UNKL: variants seen among roughly 807,000 people sequenced by gnomAD.
UNKL encodes the protein putative E3 ubiquitin-protein ligase UNKL.
UNKL carries 60 observed loss-of-function variants against 78.0 expected under a neutral mutation model. The ratio of observed to expected loss-of-function variants is 0.77; its 90% CI spans 0.63 to 0.95. The LOEUF (loss-of-function observed/expected upper bound fraction) is 0.95, where lower values mean the gene tolerates loss of function less well. Ranked by LOEUF, UNKL falls within the 40% of genes least tolerant of loss-of-function variation. UNKL has a pLI of 0.00. For synonymous variants in UNKL, 608 were observed against 474.8 expected (o/e 1.28, Z -3.65); for missense variants, 1,159 against 1,045.7 (o/e 1.11, Z -1.49).
chr16:1,404,467 C>A (rs1324435074), intron 2 of UNKL, among the ~76,000 whole-genome samples: 2 of 152,202 alleles, frequency 1.3e-5, no homozygotes, highest in Non-Finnish European at 2.9e-5. Context: ...CTCCGCTGGG[C>A]ACCTGTGATG....
intron 10 of UNKL, chr16:1,383,483 G>A (rs2036687459): frequency 3.9e-6 from 1 of 254,096 alleles, no homozygotes; most frequent in African/African-American, 2.2e-5. Context: ...ACCGTCCTGG[G>A]GCCTCAGGAG....
At chr16:1,366,440 G>A (rs889153824) in intron 14 of UNKL, 45 bp from the exon 15 acceptor site, 5 of 1,505,536 alleles carry the variant, frequency 3.3e-6, no homozygotes, top group Admixed American at 2.1e-5. Flanking sequence ...CCCTGCCCAG[G>A]CTGGGCCAGC....
chr16:1,398,477 G>C (rs1407059547), intron 5 of UNKL: 92 of 1,205,708 alleles, frequency 7.6e-5, no homozygotes, highest in Non-Finnish European at 9.2e-5. Context: ...GCTGCTCAGA[G>C]GGAGACTGAA....
intron 10 of UNKL, among the ~76,000 whole-genome samples, chr16:1,379,353 C>T (rs1226889461): frequency 6.6e-6 from 1 of 152,032 alleles, no homozygotes; most frequent in African/African-American, 2.4e-5. Context: ...TGCCCTCCCT[C>T]GGGGCACCGA....
intron 12 of UNKL, chr16:1,368,179 T>C (rs1350584794): frequency 9.6e-6 from 4 of 416,664 alleles, no homozygotes; most frequent in Non-Finnish European, 1.7e-5. Context: ...GGGCAGTGGT[T>C]CTCAGACTCC....
chr16:1,399,222 G>T lies in UNKL; in HGVS notation c.734+152C>A. On this transcript the variant is annotated intron_variant, in intron 5 of 14. Coordinates refer to ENST00000389221, the MANE Select transcript of UNKL (RefSeq NM_001372107.1). The surrounding 1 kb of genome is among the most constrained non-coding windows in gnomAD (Gnocchi z 5.8). ...GTGGGCCTCCATGGCACCTCCCACA[G>T]CCACTGTGCTTGGAGATGCCCTCCC... 1 of 1,318,200 alleles carries T rather than the reference G, an allele frequency of 7.6e-7. No homozygotes were observed. Among genetic ancestry groups the T allele is most frequent in the Non-Finnish European group, 1.0e-6 (1 of 996,038 alleles). 81.7% of individuals were successfully genotyped at this position (1,318,200 alleles called of 1,614,324 possible).
intron 6 of UNKL, among the ~76,000 whole-genome samples, chr16:1,396,732 T>C (rs1208705300): frequency 1.3e-5 from 2 of 152,164 alleles, no homozygotes; most frequent in East Asian, 1.9e-4. Context: ...TAGCTGGGAC[T>C]ACAGACGCCC....
intron 2 of UNKL, among the ~76,000 whole-genome samples, chr16:1,406,618 G>C (rs563385960): frequency 6.6e-6 from 1 of 152,084 alleles, no homozygotes; most frequent in Admixed American, 6.6e-5. Context: ...TGGACTGCAG[G>C]TATGAGCCAC....
rs570694066 is a variant in UNKL, at chr16:1,366,328, C to A, written c.2114G>T (p.Arg705Leu). 102 of 1,603,962 alleles carry A rather than the reference C, an allele frequency of 6.4e-5. No homozygotes were observed. In the East Asian group the frequency reaches 2.0e-3, roughly 32 times the overall value. Reference sequence around the variant, plus strand: ...ACAGAGGATGTGGTGCTGACAGGGCCGCAGGACAGCACCGTGGGCCCGCTC... The same window carrying A: ...ACAGAGGATGTGGTGCTGACAGGGCAGCAGGACAGCACCGTGGGCCCGCTC... ...CRERAHGAVL[R>L]PCQHHILCEP... The change falls in exon 15 of 15, where the codon CGG becomes CTG. Residue 705 changes from arginine to leucine, a missense_variant. Coordinates refer to ENST00000389221, the MANE Select transcript of UNKL (RefSeq NM_001372107.1).
intron 10 of UNKL, chr16:1,383,765 T>C (rs12918814): frequency 0.95 from 405,850 of 429,088 alleles, 192,132 homozygotes; most frequent in East Asian, 1. Context: ...CGGGTCCTGA[T>C]GGTGCTGGGG....
At chr16:1,408,258 C>CT (rs1397241887) in intron 2 of UNKL, among the ~76,000 whole-genome samples, 1 of 40,516 alleles carries the variant, frequency 2.5e-5, no homozygotes, top group Non-Finnish European at 5.5e-5. Flanking sequence ...CACATGGGAG[C>CT]TGCCCCCCCC....
At chr16:1,394,749 C>T (rs557931770) in intron 6 of UNKL, among the ~76,000 whole-genome samples, 4 of 152,176 alleles carry the variant, frequency 2.6e-5, no homozygotes, top group Admixed American at 6.5e-5. Context: ...GCACCTGGCA[C>T]GCCAGGCCTC....
intron 10 of UNKL, chr16:1,379,079 A>G (rs2036453814): frequency 6.6e-6 from 1 of 152,254 alleles, no homozygotes; most frequent in Admixed American, 6.5e-5. Flanking sequence ...GGCCCCGCTG[A>G]GTCACCGCGA....
chr16:1,383,580 C>A (rs1264101280), intron 10 of UNKL: 3 of 359,140 alleles, frequency 8.4e-6, no homozygotes, highest in Non-Finnish European at 1.7e-5. Flanking sequence ...TAAGTGGCCG[C>A]TGGGAAGAGT....
At chr16:1,386,745 C>A (rs74504983) in intron 9 of UNKL, among the ~76,000 whole-genome samples, 1 of 152,118 alleles carries the variant, frequency 6.6e-6, no homozygotes, top group African/African-American at 2.4e-5. Flanking sequence ...GACAAGAACG[C>A]GCCTGGCTCC....
rs747331561 is a variant in UNKL at position 1,366,231 on chromosome 16, C to T, written c.*9G>A. On this transcript the variant is annotated 3_prime_UTR_variant, in exon 15 of 15. Coordinates refer to ENST00000389221, the MANE Select transcript of UNKL (RefSeq NM_001372107.1). ...GGTGCCCAGCAGGAGGTGGCTGTCC[C>T]CGCTGAGGTCACCACTGCAGGGGCT... The T allele has an allele frequency of 3.3e-6, 5 of 1,531,562 alleles. No individual in the cohort carries two copies. The highest frequency in any genetic ancestry group is 4.4e-6 in the Non-Finnish European group (5 of 1,134,400). 94.9% of individuals were successfully genotyped at this position (1,531,562 alleles called of 1,614,324 possible).
chr16:1,364,448 C>T lies in UNKL; in HGVS notation c.*1792G>A, dbSNP rs1391876611. ...GGGAGAAACACGTCGGTGCCGCTTCCCACTCGTGTGCCCTCACCACCCACG... is the reference window on the plus strand; with the variant it reads ...GGGAGAAACACGTCGGTGCCGCTTCTCACTCGTGTGCCCTCACCACCCACG... On this transcript the variant is annotated 3_prime_UTR_variant, in exon 15 of 15. Coordinates refer to ENST00000389221, the MANE Select transcript of UNKL (RefSeq NM_001372107.1). 6.6e-6 allele frequency: 1 copy of T among 152,260 alleles called. No homozygotes were observed. The highest frequency in any genetic ancestry group is 1.5e-5 in the Non-Finnish European group (1 of 68,052). 9.4% of individuals were successfully genotyped at this position (152,260 alleles called of 1,614,324 possible). A position where few individuals can be genotyped will look rare whatever the true frequency, so the allele number is the denominator to read the frequency against.
At chr16:1,394,071 G>A in intron 7 of UNKL, 60 bp downstream of exon 7, 1 of 1,508,422 alleles carries the variant, frequency 6.6e-7, no homozygotes, top group Admixed American at 2.0e-5. Context: ...TAACTCCAGT[G>A]AGGGCCTGCA....
At chr16:1,380,913 G>A (rs149214129) in intron 10 of UNKL, among the ~76,000 whole-genome samples, 4,535 of 152,212 alleles carry the variant, frequency 0.03, 108 homozygotes, top group South Asian at 0.066. Context: ...GACCTCAGGT[G>A]ATCCACCCGC....
Sources: allele counts gnomAD v4.1 joint callset (sites outside exome capture counted in the v4.1 genomes callset), GRCh38; gene constraint gnomAD v4.1.1; non-coding constraint Gnocchi (gnomAD v3.1); transcripts MANE v1.5; gene names NCBI Gene and HGNC (gene_info 2026-07-23, HGNC 2026-07-21).